Variants in KIAA1328 observed in about 807,000 individuals in gnomAD.
KIAA1328 encodes the protein protein hinderin.
Under a neutral mutation model 68.1 loss-of-function variants are expected in KIAA1328, and 52 were observed. The ratio of observed to expected loss-of-function variants is 0.76; its 90% confidence interval spans 0.61 to 0.96. The LOEUF (loss-of-function observed/expected upper bound fraction) is 0.96. KIAA1328 is among the 40% of genes least tolerant of loss of function. The pLI, the probability that KIAA1328 is intolerant of heterozygous loss-of-function variation, is 0.00. For synonymous variants in KIAA1328, 232 were observed against 239.4 expected (o/e 0.97, Z 0.28); for missense variants, 641 against 677.6 (o/e 0.95, Z 0.60).
chr18:36,988,716 C>G (rs1413748395), intron 6 of KIAA1328, among the ~76,000 whole-genome samples: 2 of 152,078 alleles, frequency 1.3e-5, no homozygotes, highest in African/African-American at 2.4e-5. Flanking sequence ...TGCTTGGGTT[C>G]CTATCAGTAA....
At chr18:36,851,062 A>G (rs2047196510) in intron 4 of KIAA1328, among the ~76,000 whole-genome samples, 1 of 151,832 alleles carries the variant, frequency 6.6e-6, no homozygotes, top group African/African-American at 2.4e-5. Flanking sequence ...GCCTCAATTG[A>G]TATGGTCATG....
chr18:36,891,659 A>G (rs1337670204), intron 5 of KIAA1328, among the ~76,000 whole-genome samples: 3 of 152,196 alleles, frequency 2.0e-5, no homozygotes, highest in African/African-American at 7.2e-5. Flanking sequence ...TTTCTGGCTT[A>G]GTAGTATTCC....
chr18:36,962,827 A>T (rs896652432), intron 6 of KIAA1328, among the ~76,000 whole-genome samples: 1 of 152,236 alleles, frequency 6.6e-6, no homozygotes. Flanking sequence ...CACTGTGTAG[A>T]GGGAAATTTA....
At chr18:36,904,183 T>C (rs1274045638) in intron 5 of KIAA1328, among the ~76,000 whole-genome samples, 1 of 152,146 alleles carries the variant, frequency 6.6e-6, no homozygotes, top group Non-Finnish European at 1.5e-5. Context: ...GTTATTATCA[T>C]AGCATTATAT....
chr18:37,201,060 C>A (rs897763336), intron 9 of KIAA1328, among the ~76,000 whole-genome samples: 1 of 152,042 alleles, frequency 6.6e-6, no homozygotes, highest in Non-Finnish European at 1.5e-5. Flanking sequence ...TTAGGAGCAC[C>A]CAAAATCTAA....
chr18:37,029,423 C>G (rs1484727487), intron 6 of KIAA1328, among the ~76,000 whole-genome samples: 1 of 151,954 alleles, frequency 6.6e-6, no homozygotes, highest in Non-Finnish European at 1.5e-5. Flanking sequence ...GCCCAGGCTG[C>G]AGTGCAGTGG....
chr18:36,918,269 G>A lies in KIAA1328; in HGVS notation c.448+32597G>A, dbSNP rs542100620. On this transcript the variant is annotated intron_variant, in intron 5 of 9. Transcript: ENST00000280020. ...TATATTCAAAAAGCCTTCTTTTGAC[G>A]TTCTTACTTTTCCTTCATGTTTGTT... 7.3e-5 allele frequency among the ~76,000 whole-genome samples: 11 copies of A among 151,602 alleles called. No homozygotes were observed. In the South Asian group the frequency reaches 1.9e-3, roughly 26 times the overall value.
chr18:37,205,370 G>A (rs1323939671), intron 9 of KIAA1328, among the ~76,000 whole-genome samples: 3 of 152,170 alleles, frequency 2.0e-5, no homozygotes, highest in Non-Finnish European at 4.4e-5. Flanking sequence ...ATTCTCTGGG[G>A]CTGTCTCTAA....
At chr18:36,939,139 T>C (rs1036881545) in intron 5 of KIAA1328, among the ~76,000 whole-genome samples, 2 of 152,132 alleles carry the variant, frequency 1.3e-5, no homozygotes, top group Admixed American at 6.5e-5. Flanking sequence ...AAAAATGACT[T>C]GGAATTTTGA....
At chr18:36,878,594 A>G (rs1299997077) in intron 4 of KIAA1328, among the ~76,000 whole-genome samples, 2 of 152,136 alleles carry the variant, frequency 1.3e-5, no homozygotes, top group African/African-American at 2.4e-5. Context: ...CCTGGATAAT[A>G]TCCTAAAGTA....
At chr18:36,871,788 A>T (rs1271058630) in intron 4 of KIAA1328, among the ~76,000 whole-genome samples, 1 of 152,182 alleles carries the variant, frequency 6.6e-6, no homozygotes, top group East Asian at 1.9e-4. Context: ...ACTTATGCTG[A>T]TAGGGAAAGA....
intron 6 of KIAA1328, among the ~76,000 whole-genome samples, chr18:37,056,751 A>G (rs940705007): frequency 6.6e-6 from 1 of 152,040 alleles, no homozygotes; most frequent in Admixed American, 6.6e-5. Context: ...CCTGGGTTCA[A>G]GCAGTTCTCC....
At chr18:37,071,398 G>A (rs1342211999) in intron 7 of KIAA1328, among the ~76,000 whole-genome samples, 1 of 151,990 alleles carries the variant, frequency 6.6e-6, no homozygotes, top group Non-Finnish European at 1.5e-5. Flanking sequence ...AATGTAAAGT[G>A]TATATGATTT....
At chr18:36,842,519 G>A (rs1209553356) in intron 3 of KIAA1328, among the ~76,000 whole-genome samples, 4 of 152,128 alleles carry the variant, frequency 2.6e-5, no homozygotes, top group Non-Finnish European at 5.9e-5. Context: ...GAGGGTGGAA[G>A]GGTAGTTTTG....
At position 37,067,283 on chromosome 18, in the gene KIAA1328, ACC is replaced by A; in HGVS notation, c.973_974del (p.Pro325SerfsTer4). 6.2e-7 allele frequency: 1 copy of A among 1,613,828 alleles called. No homozygotes were observed. On this transcript the variant is annotated frameshift_variant, in exon 7 of 10. Coordinates refer to ENST00000280020, the MANE Select transcript of KIAA1328 (RefSeq NM_020776.3). LOFTEE classifies it high-confidence loss of function. ...RVHDSHPTNM[T>X]PQHPKTHPES... ...TCATGACAGCCATCCTACAAACATG[ACC>A]CCTCAACATCCTAAGACACATCCAG... is the stretch of plus-strand genomic sequence containing the variant.
At chr18:36,836,970 T>C (rs2046696647) in intron 3 of KIAA1328, among the ~76,000 whole-genome samples, 2 of 152,170 alleles carry the variant, frequency 1.3e-5, no homozygotes, top group Admixed American at 1.3e-4. Context: ...TTCATTCCTT[T>C]TTATGTCTGA....
At chr18:37,172,782 G>A (rs2059525602) in intron 8 of KIAA1328, among the ~76,000 whole-genome samples, 191 bp from the exon 9 acceptor site, 3 of 152,110 alleles carry the variant, frequency 2.0e-5, no homozygotes. Flanking sequence ...TTTTCTTAAA[G>A]CGCATTATAG....
chr18:36,890,606 G>A (rs2048654169), intron 5 of KIAA1328, among the ~76,000 whole-genome samples: 1 of 152,166 alleles, frequency 6.6e-6, no homozygotes, highest in Admixed American at 6.5e-5. Flanking sequence ...GGGAGGCAGA[G>A]GTTGCAGAGA....
At chr18:36,957,858 G>T (rs1161737074) in intron 5 of KIAA1328, among the ~76,000 whole-genome samples, 3 of 151,910 alleles carry the variant, frequency 2.0e-5, no homozygotes, top group Non-Finnish European at 4.4e-5. Flanking sequence ...TAATTAAATG[G>T]TTTTGAGTAT....
Sources: allele counts gnomAD v4.1 joint callset (sites outside exome capture counted in the v4.1 genomes callset), GRCh38; gene constraint gnomAD v4.1.1; transcripts MANE v1.5; gene names NCBI Gene and HGNC (gene_info 2026-07-23, HGNC 2026-07-21).